PRKAA2: variants seen among roughly 807,000 people sequenced by gnomAD.
PRKAA2 encodes the protein protein kinase AMP-activated catalytic subunit alpha 2.
A neutral mutation model predicts 56.3 loss-of-function variants in PRKAA2; 40 were observed. The ratio of observed to expected loss-of-function variants is 0.71; its 90% CI spans 0.55 to 0.92. The LOEUF (loss-of-function observed/expected upper bound fraction) is 0.92. Among genes scored for constraint, PRKAA2 ranks in the 40% least tolerant of loss-of-function variants. PRKAA2 has a pLI of 0.00. For synonymous variants in PRKAA2, 214 were observed against 234.2 expected (o/e 0.91, Z 0.79); for missense variants, 542 against 686.9 (o/e 0.79, Z 2.36).
chr1:56,683,071 ATTTTTTTTTTTTTTTTTTTT>A (rs10606990), intron 2 of PRKAA2, among the ~76,000 whole-genome samples: 13 of 87,216 alleles, frequency 1.5e-4, no homozygotes, highest in Non-Finnish European at 2.4e-4. Context: ...AAAGAAAGGA[ATTTTTTTTTTTTTTTTTTTT>A]TTTTTTTTTT....
At chr1:56,699,450 T>A (rs904885557) in intron 6 of PRKAA2, among the ~76,000 whole-genome samples, 6 of 152,280 alleles carry the variant, frequency 3.9e-5, no homozygotes, top group Non-Finnish European at 7.4e-5. Flanking sequence ...TTTGGTAGAG[T>A]TAGTTCAGAA....
rs1315113570 is a variant in PRKAA2 at position 56,674,538 on chromosome 1, T to C, written c.236+16T>C. 2.1e-6 allele frequency: 3 copies of C among 1,460,760 alleles called. No individual in the cohort carries two copies. The highest frequency in any genetic ancestry group is 2.8e-6 in the Non-Finnish European group (3 of 1,084,356). 90.5% of individuals were successfully genotyped at this position (1,460,760 alleles called of 1,614,324 possible). On this transcript the variant is annotated intron_variant, in intron 2 of 8. Coordinates refer to ENST00000371244, the MANE Select transcript of PRKAA2 (RefSeq NM_006252.4). ...TTATCAAACTGTAAGTATTTTTGTA[T>C]CTAATAATACCAAAGAGACACCTAT...
chr1:56,692,439 C>A lies in PRKAA2; in HGVS notation c.412C>A (p.Arg138=). 2 of 1,614,052 alleles carry A rather than the reference C, an allele frequency of 1.2e-6. No homozygotes were observed. Among genetic ancestry groups the A allele is most frequent in the Non-Finnish European group, 1.7e-6 (2 of 1,179,982 alleles). ...DYCHRHMVVH[R]DLKPENVLLD... is the part of the protein sequence containing the mutation. Reference sequence around the variant, plus strand: ...CTGTCATAGGCATATGGTTGTTCATCGAGACCTGAAACCAGAGAATGTCCT... The same window carrying A: ...CTGTCATAGGCATATGGTTGTTCATAGAGACCTGAAACCAGAGAATGTCCT... Residue 138 remains arginine (R), a synonymous_variant, in exon 4 of 9, where the codon CGA becomes AGA. Coordinates refer to ENST00000371244, the MANE Select transcript of PRKAA2 (RefSeq NM_006252.4).
intron 1 of PRKAA2, among the ~76,000 whole-genome samples, chr1:56,655,282 T>A (rs868270245): frequency 0.099 from 5,340 of 53,698 alleles, 56 homozygotes; most frequent in South Asian, 0.14. Flanking sequence ...ATATATATAT[T>A]TTTTTTTTTT....
In PRKAA2 at chr1:56,709,839, T is replaced by G. The variant is rs754133100; in HGVS notation, c.*2126T>G. ...GATTATTGCCATGTTTTTTGAGAGT[T>G]AATTATTTACTGTTTTCTAATTCTT... On this transcript the variant is annotated 3_prime_UTR_variant, in exon 9 of 9. Coordinates refer to ENST00000371244, the MANE Select transcript of PRKAA2 (RefSeq NM_006252.4). 5 of 152,208 alleles carry G rather than the reference T, an allele frequency of 3.3e-5. No homozygotes were observed. The highest frequency in any genetic ancestry group is 4.4e-5 in the Non-Finnish European group (3 of 68,006). 9.4% of individuals were successfully genotyped at this position (152,208 alleles called of 1,614,324 possible).
At chr1:56,690,979 T>C (rs1644225458) in intron 2 of PRKAA2, among the ~76,000 whole-genome samples, 1 of 152,100 alleles carries the variant, frequency 6.6e-6, no homozygotes, top group Admixed American at 6.5e-5. Flanking sequence ...TGCCCTGAGC[T>C]CAAGTGATTC....
At chr1:56,701,901 AAAAG>A (rs568933297) in intron 6 of PRKAA2, among the ~76,000 whole-genome samples, 1 of 152,076 alleles carries the variant, frequency 6.6e-6, no homozygotes, top group Non-Finnish European at 1.5e-5. Context: ...CTCAAAAAAA[AAAAG>A]AAGTTGTCAG....
chr1:56,672,947 T>C (rs1644088363), intron 1 of PRKAA2, among the ~76,000 whole-genome samples: 1 of 152,090 alleles, frequency 6.6e-6, no homozygotes, highest in African/African-American at 2.4e-5. Context: ...GGGTATATGA[T>C]TTGGATAGGC....
chr1:56,668,262 T>G, intron 1 of PRKAA2, among the ~76,000 whole-genome samples: 2 of 113,872 alleles, frequency 1.8e-5, no homozygotes, highest in Admixed American at 1.2e-4. Context: ...TGGGGACTGT[T>G]GTGGGGTGGG....
chr1:56,662,306 T>C (rs1158890206), intron 1 of PRKAA2, among the ~76,000 whole-genome samples: 2 of 152,126 alleles, frequency 1.3e-5, no homozygotes, highest in East Asian at 3.8e-4. Context: ...CAGATTATAT[T>C]TGGGACTATA....
intron 3 of PRKAA2, 31 bp downstream of exon 3, chr1:56,691,518 C>T (rs1212771394): frequency 2.0e-6 from 3 of 1,508,872 alleles, no homozygotes; most frequent in African/African-American, 2.8e-5. Flanking sequence ...TACACTAAAT[C>T]TCTAAACTAA....
intron 6 of PRKAA2, among the ~76,000 whole-genome samples, chr1:56,700,268 A>T (rs971491569): frequency 6.6e-6 from 1 of 152,128 alleles, no homozygotes; most frequent in African/African-American, 2.4e-5. Flanking sequence ...ATTTCCTTAA[A>T]TGCCCTGATC....
intron 1 of PRKAA2, among the ~76,000 whole-genome samples, chr1:56,658,371 AAG>A (rs1353123743): frequency 2.0e-5 from 3 of 152,194 alleles, no homozygotes; most frequent in Non-Finnish European, 4.4e-5. Flanking sequence ...CATGTGGAAT[AAG>A]AGAGACAAAA....
chr1:56,701,776 C>G (rs1458031829), intron 6 of PRKAA2, among the ~76,000 whole-genome samples: 4 of 151,950 alleles, frequency 2.6e-5, no homozygotes, highest in Non-Finnish European at 4.4e-5. Flanking sequence ...TGCTTGTAGT[C>G]CCAGCTACTC....
Position 56,707,860 on chromosome 1 carries a change from GAAAAC to G in PRKAA2, c.*152_*156del, listed in dbSNP as rs1644342967. On this transcript the variant is annotated 3_prime_UTR_variant, in exon 9 of 9. Transcript: ENST00000371244. Reference sequence around the variant, plus strand: ...GGCACACAATGCTATTGAAATTACTGAAAACAAAATATCTGACATCTTATTTACTT... The same window carrying G: ...GGCACACAATGCTATTGAAATTACTGAAAATATCTGACATCTTATTTACTT... The G allele has an allele frequency of 1.3e-6, 1 of 755,482 alleles. No individual in the cohort carries two copies. Among genetic ancestry groups the G allele is most frequent in the Admixed American group, 2.8e-5 (1 of 35,942 alleles). 46.8% of individuals were successfully genotyped at this position (755,482 alleles called of 1,614,324 possible).
At chr1:56,659,228 C>T (rs1643973394) in intron 1 of PRKAA2, among the ~76,000 whole-genome samples, 1 of 151,792 alleles carries the variant, frequency 6.6e-6, no homozygotes, top group Non-Finnish European at 1.5e-5. Flanking sequence ...GGCACGGTGG[C>T]TCATGCCTGT....
intron 6 of PRKAA2, among the ~76,000 whole-genome samples, chr1:56,699,445 TAG>T (rs1024585068): frequency 4.6e-5 from 7 of 152,294 alleles, no homozygotes; most frequent in African/African-American, 1.7e-4. Context: ...CTCACTTTGG[TAG>T]AGTTAGTTCA....
At chr1:56,686,979 G>A (rs1644195571) in intron 2 of PRKAA2, among the ~76,000 whole-genome samples, 1 of 150,960 alleles carries the variant, frequency 6.6e-6, no homozygotes, top group Non-Finnish European at 1.5e-5. Flanking sequence ...CCACCTCCCA[G>A]GTTCAAGCGA....
chr1:56,678,912 C>T (rs927119544), intron 2 of PRKAA2, among the ~76,000 whole-genome samples: 22 of 152,090 alleles, frequency 1.4e-4, no homozygotes, highest in South Asian at 1.2e-3. Context: ...GCCAGGATGG[C>T]CTTGATCTCT....
Sources: allele counts gnomAD v4.1 joint callset (sites outside exome capture counted in the v4.1 genomes callset), GRCh38; gene constraint gnomAD v4.1.1; transcripts MANE v1.5; gene names NCBI Gene and HGNC (gene_info 2026-07-23, HGNC 2026-07-21).